HEATR4: variants seen among roughly 807,000 people sequenced by gnomAD.
The protein encoded by HEATR4 is HEAT repeat-containing protein 4.
A neutral mutation model predicts 108.8 loss-of-function variants in HEATR4; 95 were observed. That is an observed-to-expected ratio of 0.87 (90% CI 0.74 to 1.04). The LOEUF (loss-of-function observed/expected upper bound fraction) is 1.04. HEATR4 is among the 50% of genes least tolerant of loss of function. HEATR4 has a pLI of 0.00. For missense variants in HEATR4, 1,152 were observed against 1,253.8 expected, an observed-to-expected ratio of 0.92 and a Z score of 1.23; for synonymous variants, 443 against 459.4, an observed-to-expected ratio of 0.96 and a Z score of 0.46.
chr14:73,493,955 A>G (rs1474083649), intron 16 of HEATR4, among the ~76,000 whole-genome samples: 1 of 152,252 alleles, frequency 6.6e-6, no homozygotes, highest in Non-Finnish European at 1.5e-5. Context: ...ATTATTTTCT[A>G]CCAGCTTGTT....
At chr14:73,502,054 T>C (rs1213272298) in intron 11 of HEATR4, among the ~76,000 whole-genome samples, 2 of 151,376 alleles carry the variant, frequency 1.3e-5, no homozygotes, top group Non-Finnish European at 2.9e-5. Flanking sequence ...CAATTTTTTT[T>C]TTTTTTTTTT....
In HEATR4 at chr14:73,492,024, G is replaced by A. The variant is rs756770892; in HGVS notation, c.2844+1042C>T. The A allele has an allele frequency of 1.2e-6, 2 of 1,614,016 alleles. No homozygotes were observed. The highest frequency in any genetic ancestry group is 2.2e-5 in the South Asian group (2 of 91,086). On this transcript the variant is annotated intron_variant, in intron 17 of 17. Coordinates refer to ENST00000553558, the MANE Select transcript of HEATR4 (RefSeq NM_001220484.1). The surrounding 1 kb of genome is among the most constrained non-coding windows in gnomAD (Gnocchi z 4.9). ...TACCTCACGCCCCCTAACTCGCAGG[G>A]CTTTGCCCCCCACTACGACGACATC...
Position 73,522,279 on chromosome 14 carries a change from A to T in HEATR4, c.874T>A (p.Tyr292Asn), listed in dbSNP as rs1376155624. 6.2e-7 allele frequency: 1 copy of T among 1,613,670 alleles called. No homozygotes were observed. The highest frequency in any genetic ancestry group is 1.3e-5 in the African/African-American group (1 of 74,892). ...AGGCCCTGGCCAGTATACCTGTAGTAAACGGGAAGCAGCAGTTCTGGCTTC... is the reference window on the plus strand; with the variant it reads ...AGGCCCTGGCCAGTATACCTGTAGTTAACGGGAAGCAGCAGTTCTGGCTTC... ...KKKPELLLPVYYRLPSYFQQA... is the reference protein window; with the variant it reads ...KKKPELLLPVNYRLPSYFQQA... The change falls in exon 3 of 18, where the codon TAC becomes AAC. Residue 292 changes from tyrosine (Y) to asparagine (N), a missense_variant. Tyr to Asn is a moderately radical substitution (Grantham distance 143, BLOSUM62 -2). Coordinates refer to ENST00000553558, the MANE Select transcript of HEATR4 (RefSeq NM_001220484.1).
At chr14:73,529,781 T>C (rs1888594121) in intron 2 of HEATR4, among the ~76,000 whole-genome samples, 1 of 151,908 alleles carries the variant, frequency 6.6e-6, no homozygotes, top group South Asian at 2.1e-4. Flanking sequence ...GTTATTAAAA[T>C]AGAGGAAACT....
At chr14:73,491,479 C>G in intron 17 of HEATR4, 3 of 1,497,506 alleles carry the variant, frequency 2.0e-6, no homozygotes, top group Non-Finnish European at 2.7e-6. Flanking sequence ...CCGCGCAACA[C>G]TTAGCGGCCG....
chr14:73,584,619 G>A, the HEATR4 span, among the ~76,000 whole-genome samples: 8,262 of 147,564 alleles, frequency 0.056, 257 homozygotes, highest in Admixed American at 0.076. Flanking sequence ...TTCCTTGCCC[G>A]GGGCCTGTTG....
At chr14:73,631,082 A>G in the HEATR4 span, among the ~76,000 whole-genome samples, 3 of 152,206 alleles carry the variant, frequency 2.0e-5, no homozygotes, top group African/African-American at 7.2e-5. Context: ...TGGCAAATAC[A>G]TTCTATCCAG....
chr14:73,518,909 A>AATGGTTC (rs2140292956), intron 5 of HEATR4, 114 bp downstream of exon 5: 1 of 999,390 alleles, frequency 1.0e-6, no homozygotes, highest in South Asian at 1.7e-5. Context: ...CCTAGATGCT[A>AATGGTTC]ATGGTGCTTC....
At chr14:73,510,174 T>C (rs1300114722) in intron 7 of HEATR4, among the ~76,000 whole-genome samples, 1 of 151,964 alleles carries the variant, frequency 6.6e-6, no homozygotes, top group Non-Finnish European at 1.5e-5. Context: ...CCTTTATATT[T>C]GTAAGAACAA....
chr14:73,483,979 C>T (rs1402512180), intron 17 of HEATR4, among the ~76,000 whole-genome samples: 4 of 151,864 alleles, frequency 2.6e-5, no homozygotes, highest in Non-Finnish European at 4.4e-5. Context: ...CTCAGCCTCC[C>T]GAGTAGCTGG....
intron 17 of HEATR4, among the ~76,000 whole-genome samples, chr14:73,480,422 A>G (rs1387110747): frequency 6.6e-6 from 1 of 152,262 alleles, no homozygotes; most frequent in Non-Finnish European, 1.5e-5. Context: ...CCTGGGCGAC[A>G]GAGAGAGACT....
At chr14:73,547,086 C>CAAAAAAATTAAA (rs1261402606) in intron 1 of HEATR4, among the ~76,000 whole-genome samples, 1 of 104,276 alleles carries the variant, frequency 9.6e-6, no homozygotes, top group Non-Finnish European at 2.1e-5. Context: ...AACTCCGTCT[C>CAAAAAAATTAAA]AAAAAAAGAA....
chr14:73,504,288 G>C (rs1176991264), intron 10 of HEATR4, among the ~76,000 whole-genome samples: 1 of 151,596 alleles, frequency 6.6e-6, no homozygotes, highest in African/African-American at 2.4e-5. Flanking sequence ...TGTTGCCCAG[G>C]CTGGGGCGCA....
chr14:73,518,309 C>T (rs746091987), intron 5 of HEATR4, among the ~76,000 whole-genome samples: 75 of 150,720 alleles, frequency 5.0e-4, no homozygotes, highest in Non-Finnish European at 9.4e-4. Context: ...GAGGCTGAGG[C>T]AGGGGAATTG....
intron 2 of HEATR4, among the ~76,000 whole-genome samples, chr14:73,526,772 G>C (rs952665056): frequency 2.6e-5 from 4 of 152,224 alleles, no homozygotes; most frequent in Non-Finnish European, 5.9e-5. Context: ...CTTGGGCTTT[G>C]AGTAAATATC....
At chr14:73,588,071 G>A in the HEATR4 span, among the ~76,000 whole-genome samples, 1 of 150,830 alleles carries the variant, frequency 6.6e-6, no homozygotes, top group Non-Finnish European at 1.5e-5. Flanking sequence ...GCACAATCTC[G>A]GCTCACTGCA....
At chr14:73,567,358 T>C in the HEATR4 span, among the ~76,000 whole-genome samples, 1 of 152,242 alleles carries the variant, frequency 6.6e-6, no homozygotes, top group Admixed American at 6.5e-5. Context: ...CCGCTGGGCT[T>C]CTGGGTTGGG....
At chr14:73,543,515 G>A (rs777102881) in intron 1 of HEATR4, 2 of 762,860 alleles carry the variant, frequency 2.6e-6, no homozygotes, top group African/African-American at 4.0e-5. Context: ...TTCCCTGCAT[G>A]CCTTGGTGGG....
chr14:73,625,028 T>G, the HEATR4 span, among the ~76,000 whole-genome samples: 1 of 152,156 alleles, frequency 6.6e-6, no homozygotes, highest in Non-Finnish European at 1.5e-5. Flanking sequence ...TGGTAATTCT[T>G]ACAATATTAC....
Sources: gnomAD v4.1 joint callset for allele counts (sites outside exome capture counted in the v4.1 genomes callset) on GRCh38, gnomAD v4.1.1 for gene constraint, Gnocchi (gnomAD v3.1) non-coding constraint, MANE v1.5 for transcripts, NCBI Gene and HGNC (gene_info 2026-07-23, HGNC 2026-07-21) for gene names.